TENM2: variants seen among roughly 807,000 people sequenced by gnomAD.
The protein encoded by TENM2 is teneurin-2.
TENM2 carries 52 observed loss-of-function variants against 245.2 expected under a neutral mutation model. That is an observed-to-expected ratio of 0.21 (90% confidence interval 0.17 to 0.27). TENM2 has a LOEUF of 0.27. Ranked by LOEUF, TENM2 falls within the 10% of genes least tolerant of loss-of-function variation. The pLI is 1.00. For missense variants in TENM2, 3,046 were observed against 3,666.8 expected (o/e 0.83, Z 4.37); for synonymous variants, 1,363 against 1,438.9 (o/e 0.95, Z 1.19).
chr5:167,784,316 G>A (rs551974755), intron 2 of TENM2, among the ~76,000 whole-genome samples: 51 of 152,274 alleles, frequency 3.3e-4, no homozygotes, highest in African/African-American at 1.2e-3. Context: ...GAAATAAACA[G>A]AACAATGTGT....
At chr5:167,586,968 G>A (rs1381456923) in intron 2 of TENM2, among the ~76,000 whole-genome samples, 2 of 152,096 alleles carry the variant, frequency 1.3e-5, no homozygotes, top group Admixed American at 6.6e-5. Context: ...GCTCTGAGGG[G>A]GTGCAGCATC....
intron 2 of TENM2, among the ~76,000 whole-genome samples, chr5:167,540,207 G>A (rs1220322338): frequency 6.6e-6 from 1 of 152,158 alleles, no homozygotes; most frequent in African/African-American, 2.4e-5. Context: ...ATCTCCAAGT[G>A]TCAGGCAAGG....
At chr5:167,328,132 TA>T (rs36152556) in intron 1 of TENM2, among the ~76,000 whole-genome samples, 83,260 of 144,852 alleles carry the variant, frequency 0.57, 23,878 homozygotes, top group Admixed American at 0.63. Flanking sequence ...GTGAACTTGT[TA>T]AAAAAAAAAA....
upstream of TENM2, among the ~76,000 whole-genome samples, chr5:167,280,756 G>GTCTGTCTATCATCTA: frequency 6.9e-6 from 1 of 145,982 alleles, no homozygotes. Context: ...CTATCTGTCT[G>GTCTGTCTATCATCTA]TCTATCTATC....
At chr5:167,217,509 C>A in the TENM2 span, among the ~76,000 whole-genome samples, 3 of 151,870 alleles carry the variant, frequency 2.0e-5, no homozygotes, top group Non-Finnish European at 4.4e-5. Context: ...TGAAGAAAGG[C>A]GTTGTGAAAT....
chr5:167,043,264 T>A, the TENM2 span, among the ~76,000 whole-genome samples: 1 of 152,226 alleles, frequency 6.6e-6, no homozygotes, highest in Non-Finnish European at 1.5e-5. Flanking sequence ...GATAGCTTTT[T>A]ATTTCAAAGT....
At chr5:167,127,946 G>A in the TENM2 span, among the ~76,000 whole-genome samples, 3 of 152,076 alleles carry the variant, frequency 2.0e-5, no homozygotes, top group Non-Finnish European at 4.4e-5. Context: ...AGCCCCTCCA[G>A]TGTCTCAACC....
At chr5:168,074,655 T>A (rs896545531) in intron 7 of TENM2, among the ~76,000 whole-genome samples, 1 of 152,110 alleles carries the variant, frequency 6.6e-6, no homozygotes, top group Non-Finnish European at 1.5e-5. Flanking sequence ...ACCACCAGTC[T>A]CCTCCTCACT....
At chr5:167,775,908 C>T (rs569326090) in intron 2 of TENM2, among the ~76,000 whole-genome samples, 43 of 152,130 alleles carry the variant, frequency 2.8e-4, no homozygotes, top group South Asian at 1.0e-3. Flanking sequence ...TACATAGGTG[C>T]TCAGTGACTG....
At chr5:167,470,576 G>T (rs551662421) in intron 2 of TENM2, among the ~76,000 whole-genome samples, 4 of 147,696 alleles carry the variant, frequency 2.7e-5, no homozygotes, top group African/African-American at 7.5e-5. Context: ...TTTCTGAACT[G>T]TAGGATTAAG....
chr5:168,228,026 T>G, exon 25 of TENM2: 1 of 1,613,916 alleles, frequency 6.2e-7, no homozygotes, highest in African/African-American at 1.3e-5. Flanking sequence ...CATTGGACGC[T>G]GCAACATCTC....
In TENM2 at chr5:168,195,162, T is replaced by G. The variant is rs745573410; in HGVS notation, c.2781-14T>G. The G allele has an allele frequency of 6.3e-7, 1 of 1,580,838 alleles. No individual in the cohort carries two copies. Among genetic ancestry groups the G allele is most frequent in the South Asian group, 1.2e-5 (1 of 86,492 alleles). ...TGCATGTGGCTCAAAGACCTCTGTT[T>G]CTGTCTTTCTCAGCTTGGTTTCTCT... is the stretch of plus-strand genomic sequence containing the variant. On this transcript the variant is annotated splice_polypyrimidine_tract_variant and intron_variant, in intron 14 of 28. Transcript: ENST00000518659.
intron 2 of TENM2, among the ~76,000 whole-genome samples, chr5:167,840,604 T>C (rs558152828): frequency 6.6e-6 from 1 of 151,720 alleles, no homozygotes; most frequent in South Asian, 2.1e-4. Flanking sequence ...TCTAGAAGCC[T>C]CATTAAACCT....
intron 2 of TENM2, among the ~76,000 whole-genome samples, chr5:167,393,146 G>A (rs1384013198): frequency 6.7e-6 from 1 of 149,090 alleles, no homozygotes; most frequent in Admixed American, 6.7e-5. Flanking sequence ...GAAAAAAAAA[G>A]TTAATTTTTA....
intron 22 of TENM2, 62 bp downstream of exon 24, chr5:168,216,984 C>A (rs920402984): frequency 1.9e-6 from 3 of 1,568,358 alleles, no homozygotes; most frequent in Admixed American, 3.8e-5. Flanking sequence ...GAGGTTCTTA[C>A]CTGTTTCCTG....
At chr5:167,463,660 A>C (rs1282252055) in intron 2 of TENM2, among the ~76,000 whole-genome samples, 6 of 151,852 alleles carry the variant, frequency 4.0e-5, no homozygotes, top group African/African-American at 1.2e-4. Context: ...CATCATGCCC[A>C]GCTAATGTTT....
intron 25 of TENM2, chr5:168,229,436 A>G (rs978074658): frequency 1.3e-5 from 2 of 152,318 alleles, no homozygotes; most frequent in East Asian, 1.9e-4. Context: ...GGGGGAATGT[A>G]ATGGCATACA....
intron 2 of TENM2, among the ~76,000 whole-genome samples, chr5:167,468,573 C>A (rs1219160123): frequency 6.6e-6 from 1 of 152,060 alleles, no homozygotes; most frequent in Non-Finnish European, 1.5e-5. Flanking sequence ...TTCCATAAGT[C>A]TTAGAAAGGG....
At chr5:167,606,368 G>A (rs1777046729) in intron 2 of TENM2, among the ~76,000 whole-genome samples, 1 of 152,074 alleles carries the variant, frequency 6.6e-6, no homozygotes, top group Admixed American at 6.6e-5. Flanking sequence ...AAGGAAGCTG[G>A]GGGAGAAGGG....
Sources: allele counts gnomAD v4.1 joint callset (sites outside exome capture counted in the v4.1 genomes callset), GRCh38; gene constraint gnomAD v4.1.1; transcripts MANE v1.5; gene names NCBI Gene and HGNC (gene_info 2026-07-23, HGNC 2026-07-21).